Variants in UTS2 observed in about 807,000 individuals in gnomAD.
The protein encoded by UTS2 is urotensin 2.
Under a neutral mutation model 12.6 loss-of-function variants are expected in UTS2, and 10 were observed. The ratio of observed to expected loss-of-function variants is 0.80; its 90% CI spans 0.49 to 1.35. The LOEUF (loss-of-function observed/expected upper bound fraction) is 1.35. UTS2 is among the 40% of genes most tolerant of loss of function. The pLI, the probability that UTS2 is intolerant of heterozygous loss-of-function variation, is 0.00. For synonymous variants in UTS2, 52 were observed against 50.0 expected (o/e 1.04, Z -0.17); for missense variants, 142 against 143.2 (o/e 0.99, Z 0.04).
intron 1 of UTS2, 67 bp downstream of exon 1, chr1:7,852,834 T>C: frequency 6.6e-7 from 1 of 1,514,832 alleles, no homozygotes; most frequent in Non-Finnish European, 8.9e-7. Context: ...TTCTTATCTC[T>C]AACATTGAAT....
chr1:7,902,461 T>C, the UTS2 span, among the ~76,000 whole-genome samples: 19 of 152,296 alleles, frequency 1.2e-4, no homozygotes, highest in Admixed American at 9.8e-4. Context: ...GGGTCGTCAG[T>C]GCGGCTTTTT....
the UTS2 span, among the ~76,000 whole-genome samples, chr1:7,903,372 T>A: frequency 5.0e-4 from 72 of 145,450 alleles, 3 homozygotes; most frequent in South Asian, 6.7e-3. Flanking sequence ...TTCCTTTTTT[T>A]AATTATTAAT....
At position 7,847,666 on chromosome 1, in the gene UTS2, G is replaced by T; in HGVS notation, c.*100C>A. On this transcript the variant is annotated 3_prime_UTR_variant, in exon 4 of 4. Coordinates refer to ENST00000361696, the MANE Select transcript of UTS2 (RefSeq NM_006786.4). Reference sequence around the variant, plus strand: ...GGTAACAATGAACAGGGTGTAGTTTGCCTAGTTTTTCTCCACACTGTTTTC... The same window carrying T: ...GGTAACAATGAACAGGGTGTAGTTTTCCTAGTTTTTCTCCACACTGTTTTC... The T allele has an allele frequency of 1.1e-6, 1 of 900,260 alleles. No individual in the cohort carries two copies. Among genetic ancestry groups the T allele is most frequent in the Non-Finnish European group, 1.8e-6 (1 of 565,108 alleles). The allele number at this position is 900,260 out of a possible 1,614,324, so 55.8% of individuals were successfully genotyped here. A position where few individuals can be genotyped will look rare whatever the true frequency, so the allele number is the denominator to read the frequency against.
At chr1:7,867,503 G>A in the UTS2 span, among the ~76,000 whole-genome samples, 3 of 152,164 alleles carry the variant, frequency 2.0e-5, no homozygotes, top group Admixed American at 1.3e-4. Flanking sequence ...ATGTGAAGAC[G>A]CAAGGAAAAG....
chr1:7,877,126 C>CAAAAAA, the UTS2 span, among the ~76,000 whole-genome samples: 4 of 62,784 alleles, frequency 6.4e-5, no homozygotes, highest in East Asian at 5.2e-4. Flanking sequence ...GAGACTCTAT[C>CAAAAAA]AAAAAAAAAA....
chr1:7,853,585 T>A, upstream of UTS2: 1 of 1,062,402 alleles, frequency 9.4e-7, no homozygotes, highest in Non-Finnish European at 1.3e-6. Flanking sequence ...TGCTCCAGGC[T>A]CAAGACAATT....
At chr1:7,899,299 G>C in the UTS2 span, among the ~76,000 whole-genome samples, 5 of 152,142 alleles carry the variant, frequency 3.3e-5, no homozygotes, top group Non-Finnish European at 7.4e-5. Context: ...TAAGGACACA[G>C]AAAGAAAACA....
the UTS2 span, among the ~76,000 whole-genome samples, chr1:7,895,513 A>C: frequency 4.7e-4 from 71 of 152,330 alleles, no homozygotes; most frequent in Non-Finnish European, 8.8e-4. Context: ...GAAAATTCTC[A>C]GGACTGAAAA....
chr1:7,882,219 C>T, the UTS2 span, among the ~76,000 whole-genome samples: 1 of 152,082 alleles, frequency 6.6e-6, no homozygotes, highest in African/African-American at 2.4e-5. Context: ...CCTGTAGTTC[C>T]AGCTACTTGG....
chr1:7,863,404 C>A, the UTS2 span, among the ~76,000 whole-genome samples: 1 of 152,200 alleles, frequency 6.6e-6, no homozygotes, highest in African/African-American at 2.4e-5. Context: ...AGCCACCACG[C>A]CTGGCCGACA....
At chr1:7,887,592 C>CAAAAA in the UTS2 span, among the ~76,000 whole-genome samples, 14 of 62,432 alleles carry the variant, frequency 2.2e-4, no homozygotes, top group Admixed American at 4.0e-4. Context: ...CCAGTCTCTA[C>CAAAAA]AAAAAAAAAA....
At chr1:7,863,563 C>G in the UTS2 span, among the ~76,000 whole-genome samples, 3 of 152,308 alleles carry the variant, frequency 2.0e-5, no homozygotes, top group Non-Finnish European at 2.9e-5. Context: ...GTCTGTTTTG[C>G]TCACTGATGT....
chr1:7,873,812 C>T, the UTS2 span, among the ~76,000 whole-genome samples: 1 of 152,158 alleles, frequency 6.6e-6, no homozygotes, highest in Non-Finnish European at 1.5e-5. Context: ...GAACTGACTC[C>T]AATTTTGAAA....
At chr1:7,855,996 G>A (rs1638298018), upstream of UTS2, among the ~76,000 whole-genome samples, 1 of 151,654 alleles carries the variant, frequency 6.6e-6, no homozygotes, top group Non-Finnish European at 1.5e-5. Flanking sequence ...CACCATGCAT[G>A]GCTTTTTTAT....
At chr1:7,894,144 T>C in the UTS2 span, among the ~76,000 whole-genome samples, 9 of 150,898 alleles carry the variant, frequency 6.0e-5, no homozygotes, top group African/African-American at 2.2e-4. Flanking sequence ...TTTTTTTTTT[T>C]CTTCTTCTTT....
the UTS2 span, among the ~76,000 whole-genome samples, chr1:7,870,100 G>A: frequency 2.6e-5 from 4 of 152,138 alleles, no homozygotes; most frequent in East Asian, 3.8e-4. Context: ...ATGGAAAATC[G>A]CTGTTACGTG....
At chr1:7,901,814 G>A in the UTS2 span, among the ~76,000 whole-genome samples, 1 of 152,190 alleles carries the variant, frequency 6.6e-6, no homozygotes, top group South Asian at 2.1e-4. Context: ...CTGGGTTTGA[G>A]ATGCCTGTGA....
At chr1:7,890,844 CAAA>C in the UTS2 span, among the ~76,000 whole-genome samples, 1,578 of 112,228 alleles carry the variant, frequency 0.014, 28 homozygotes, top group African/African-American at 0.047. Flanking sequence ...AAGACTGTCT[CAAA>C]AAAAAAAAAA....
At chr1:7,902,443 G>C in the UTS2 span, among the ~76,000 whole-genome samples, 508 of 152,262 alleles carry the variant, frequency 3.3e-3, no homozygotes, top group African/African-American at 0.011. Flanking sequence ...GGGGCCTAAA[G>C]ATGGCCTGGG....
Sources: allele counts gnomAD v4.1 joint callset (sites outside exome capture counted in the v4.1 genomes callset), GRCh38; gene constraint gnomAD v4.1.1; transcripts MANE v1.5; gene names NCBI Gene and HGNC (gene_info 2026-07-23, HGNC 2026-07-21).